HNF4G: variants seen among roughly 807,000 people sequenced by gnomAD.
HNF4G encodes the protein hepatocyte nuclear factor 4 gamma.
HNF4G carries 21 observed loss-of-function variants against 50.9 expected under a neutral mutation model. That is an observed-to-expected ratio of 0.41 (90% CI 0.29 to 0.59). HNF4G has a LOEUF of 0.59. Ranked by LOEUF, HNF4G falls within the 20% of genes least tolerant of loss-of-function variation. The pLI, the probability that HNF4G is intolerant of heterozygous loss-of-function variation, is 0.26. For missense variants in HNF4G, 527 were observed against 559.4 expected (o/e 0.94, Z 0.58); for synonymous variants, 198 against 185.6 (o/e 1.07, Z -0.54).
intron 1 of HNF4G, among the ~76,000 whole-genome samples, chr8:75,452,643 C>T (rs1019789353): frequency 1.2e-4 from 18 of 148,656 alleles, no homozygotes; most frequent in African/African-American, 3.5e-4. Flanking sequence ...GGCGTGAACC[C>T]GGGAGGCGGA....
At chr8:75,425,373 C>T (rs962963599) in intron 1 of HNF4G, among the ~76,000 whole-genome samples, 4 of 151,608 alleles carry the variant, frequency 2.6e-5, no homozygotes, top group South Asian at 2.1e-4. Context: ...TGTGAGCCAC[C>T]GCGCCCAGCC....
At chr8:75,441,202 T>C (rs1222929858) in intron 1 of HNF4G, among the ~76,000 whole-genome samples, 1 of 152,092 alleles carries the variant, frequency 6.6e-6, no homozygotes, top group Non-Finnish European at 1.5e-5. Context: ...AGCTACCTTG[T>C]AACAAATTTT....
chr8:75,485,672 A>G (rs1812482071), intron 1 of HNF4G: 1 of 152,206 alleles, frequency 6.6e-6, no homozygotes, highest in African/African-American at 2.4e-5. Flanking sequence ...ATTTAAGATA[A>G]ACTTGCCTTT....
At position 75,561,988 on chromosome 8, in the gene HNF4G, T is replaced by G. The variant is rs532779538; in HGVS notation, c.1246+1522T>G. Among the ~76,000 whole-genome samples the G allele has an allele frequency of 2.0e-5, 3 of 152,332 alleles. No homozygotes were observed. In the East Asian group the frequency reaches 5.8e-4, roughly 29 times the overall value. On this transcript the variant is annotated intron_variant, in intron 9 of 9. Coordinates refer to ENST00000396423, the MANE Select transcript of HNF4G (RefSeq NM_004133.5). ...TAATTGCTTCTGAATTTACTCTAATTAATCCCAGATTTACCTTTGATCTAT... is the reference window on the plus strand; with the variant it reads ...TAATTGCTTCTGAATTTACTCTAATGAATCCCAGATTTACCTTTGATCTAT...
chr8:75,454,501 T>G (rs577172444), intron 1 of HNF4G, among the ~76,000 whole-genome samples: 2 of 152,308 alleles, frequency 1.3e-5, no homozygotes, highest in East Asian at 3.9e-4. Context: ...ACTTGTTGCC[T>G]TTCTATGTCA....
chr8:75,419,877 C>T (rs1810738006), intron 1 of HNF4G, among the ~76,000 whole-genome samples: 1 of 152,186 alleles, frequency 6.6e-6, no homozygotes. Flanking sequence ...CTTCTTTGTG[C>T]TTTAGTTTGC....
chr8:75,528,706 T>C (rs1806245379), intron 2 of HNF4G, among the ~76,000 whole-genome samples: 1 of 149,988 alleles, frequency 6.7e-6, no homozygotes, highest in Admixed American at 6.6e-5. Context: ...GTTACCTCTC[T>C]GTTTGGATTT....
chr8:75,461,129 C>A (rs1211375728), intron 1 of HNF4G, among the ~76,000 whole-genome samples: 2 of 152,130 alleles, frequency 1.3e-5, no homozygotes, highest in African/African-American at 2.4e-5. Context: ...TCTGCTGTCA[C>A]AAATTACCAC....
At position 75,513,888 on chromosome 8, in the gene HNF4G, T is replaced by C. The variant is rs188779240; in HGVS notation, c.-24+23680T>C. Among the ~76,000 whole-genome samples, 892 of 137,874 alleles carry C rather than the reference T, an allele frequency of 6.5e-3. 7 individuals carry two copies. The highest frequency in any genetic ancestry group is 0.02 in the African/African-American group (787 of 40,228). The allele number at this position is 137,874 out of a possible 152,430, so 90.5% of individuals were successfully genotyped here. On this transcript the variant is annotated intron_variant, in intron 2 of 10. Coordinates refer to the HNF4G transcript ENST00000354370. ...AATGTGATCTATATAATGCTTTCTTTCATTTTTAGGTTAAGACTTTCTCTA... is the reference window on the plus strand; with the variant it reads ...AATGTGATCTATATAATGCTTTCTTCCATTTTTAGGTTAAGACTTTCTCTA...
chr8:75,543,904 A>G lies in HNF4G; in HGVS notation c.212A>G (p.Tyr71Cys). Reference protein sequence around the residue: ...ICGDRATGKHYGASSCDGCKG... With the variant: ...ICGDRATGKHCGASSCDGCKG... ...GGGGACAGAGCAACAGGAAAACACT[A>G]TGGGGCATCCAGCTGTGATGGGTGC... Residue 71 changes from tyrosine to cysteine, a missense_variant, in exon 2 of 10, where the codon TAT becomes TGT. This residue lies in a region of HNF4G where 84 missense variants were observed against 87.1 expected (regional missense o/e 0.96). Coordinates refer to ENST00000396423, the MANE Select transcript of HNF4G (RefSeq NM_004133.5). 1 of 1,613,806 alleles carries G rather than the reference A, an allele frequency of 6.2e-7. No homozygotes were observed. The highest frequency in any genetic ancestry group is 8.5e-7 in the Non-Finnish European group (1 of 1,179,778).
intron 1 of HNF4G, among the ~76,000 whole-genome samples, chr8:75,418,193 G>A (rs76422212): frequency 3.9e-5 from 6 of 152,020 alleles, no homozygotes; most frequent in East Asian, 1.9e-4. Context: ...TCATGTGGCC[G>A]CCCCTAGATT....
intron 1 of HNF4G, among the ~76,000 whole-genome samples, chr8:75,428,237 G>T (rs939313798): frequency 2.0e-5 from 3 of 152,084 alleles, no homozygotes; most frequent in African/African-American, 7.2e-5. Context: ...AGGCACAACC[G>T]GGGCTTTCCC....
chr8:75,452,549 C>G (rs1407678110), intron 1 of HNF4G, among the ~76,000 whole-genome samples: 2 of 152,192 alleles, frequency 1.3e-5, no homozygotes, highest in Non-Finnish European at 2.9e-5. Context: ...GAAACCCCGT[C>G]TCTACTAAAA....
chr8:75,486,428 T>C (rs931112211), intron 1 of HNF4G, among the ~76,000 whole-genome samples: 1 of 152,216 alleles, frequency 6.6e-6, no homozygotes, highest in Admixed American at 6.5e-5. Context: ...TTTTCCTTCA[T>C]TGATCATATA....
At chr8:75,541,175 A>G (rs991441979) in intron 1 of HNF4G, among the ~76,000 whole-genome samples, 1 of 152,236 alleles carries the variant, frequency 6.6e-6, no homozygotes, top group East Asian at 1.9e-4. Context: ...AACACTCATG[A>G]TTAAGAAATG....
intron 2 of HNF4G, among the ~76,000 whole-genome samples, chr8:75,508,728 C>T (rs1316451135): frequency 6.6e-6 from 1 of 152,104 alleles, no homozygotes; most frequent in Non-Finnish European, 1.5e-5. Context: ...TAGGCAAACA[C>T]AGAGGCAAGA....
At chr8:75,479,017 G>A (rs1227343620) in intron 1 of HNF4G, among the ~76,000 whole-genome samples, 2 of 152,160 alleles carry the variant, frequency 1.3e-5, no homozygotes, top group Non-Finnish European at 2.9e-5. Flanking sequence ...CACCCCGCTC[G>A]GCCGGCAACG....
chr8:75,480,037 A>G (rs928333886), intron 1 of HNF4G, among the ~76,000 whole-genome samples: 4 of 152,056 alleles, frequency 2.6e-5, no homozygotes, highest in Non-Finnish European at 5.9e-5. Context: ...AAATTCTCCC[A>G]TACAATCTGA....
At chr8:75,409,188 G>C (rs191805943) in intron 1 of HNF4G, among the ~76,000 whole-genome samples, 1 of 152,220 alleles carries the variant, frequency 6.6e-6, no homozygotes, top group East Asian at 1.9e-4. Flanking sequence ...GTGAGTGGTG[G>C]TAAACTGCTC....
Sources: allele counts gnomAD v4.1 joint callset (sites outside exome capture counted in the v4.1 genomes callset), GRCh38; gene constraint gnomAD v4.1.1; regional missense constraint gnomAD v4.1.1; transcripts MANE v1.5; gene names NCBI Gene and HGNC (gene_info 2026-07-23, HGNC 2026-07-21).